The following ANP32E variants were observed in gnomAD, a reference collection of about 807,000 sequenced individuals.
ANP32E encodes the protein acidic leucine-rich nuclear phosphoprotein 32 family member E.
ANP32E carries 14 observed loss-of-function variants against 35.3 expected under a neutral mutation model. That is an observed-to-expected ratio of 0.40 (90% CI 0.26 to 0.62). ANP32E has a LOEUF of 0.62. Ranked by LOEUF, ANP32E falls within the 20% of genes least tolerant of loss-of-function variation. The pLI is 0.45. For missense variants in ANP32E, 198 were observed against 304.4 expected, an observed-to-expected ratio of 0.65 and a Z score of 2.60; for synonymous variants, 89 against 110.4, an observed-to-expected ratio of 0.81 and a Z score of 1.22.
Position 150,235,702 on chromosome 1 carries a change from TG to T in ANP32E, c.54+30del. Reference sequence around the variant, plus strand: ...TCCGATCCTCAGAATACTGGACTGATGGGGAAGCGGTGGGGGCTGAGTCATC... The same window carrying T: ...TCCGATCCTCAGAATACTGGACTGATGGGAAGCGGTGGGGGCTGAGTCATC... On this transcript the variant is annotated intron_variant, in intron 1 of 6. Coordinates refer to ENST00000583931, the MANE Select transcript of ANP32E (RefSeq NM_030920.5). The surrounding 1 kb of genome is among the most constrained non-coding windows in gnomAD (Gnocchi z 4.2). 1 of 1,613,324 alleles carries T rather than the reference TG, an allele frequency of 6.2e-7. No individual in the cohort carries two copies. Among genetic ancestry groups the T allele is most frequent in the Non-Finnish European group, 8.5e-7 (1 of 1,179,580 alleles).
chr1:150,220,644 C>T lies in ANP32E; in HGVS notation c.*47G>A, dbSNP rs782170800. ...ACATGAAGAAACAAAGATGTGATCA[C>T]TCTATTGCACACCCAGAAACATTAG... On this transcript the variant is annotated 3_prime_UTR_variant, in exon 7 of 7. Coordinates refer to ENST00000583931, the MANE Select transcript of ANP32E (RefSeq NM_030920.5). The T allele has an allele frequency of 7.8e-6, 12 of 1,533,512 alleles. No homozygotes were observed. Among genetic ancestry groups the T allele is most frequent in the Non-Finnish European group, 9.9e-6 (11 of 1,107,356 alleles). 95.0% of individuals were successfully genotyped at this position (1,533,512 alleles called of 1,614,324 possible). A position where few individuals can be genotyped will look rare whatever the true frequency, so the allele number is the denominator to read the frequency against.
intron 3 of ANP32E, among the ~76,000 whole-genome samples, chr1:150,229,724 T>C (rs986933393): frequency 9.9e-5 from 15 of 152,206 alleles, no homozygotes; most frequent in African/African-American, 3.6e-4. Context: ...GTGATCTGCC[T>C]GCCTCGGCCT....
rs1648166251 is a variant in ANP32E, at chr1:150,219,385, A to ACAT, written c.*1303_*1305dup. On this transcript the variant is annotated 3_prime_UTR_variant, in exon 7 of 7. Transcript: ENST00000583931. ...CCAAATATTTTTCTACTTTTAATGG[A>ACAT]CATCCACTTGAAAACAAATCTTAAT... 1 of 152,186 alleles carries ACAT rather than the reference A, an allele frequency of 6.6e-6. No individual in the cohort carries two copies. Among genetic ancestry groups the ACAT allele is most frequent in the Admixed American group, 6.5e-5 (1 of 15,270 alleles). 9.4% of individuals were successfully genotyped at this position (152,186 alleles called of 1,614,324 possible). A position where few individuals can be genotyped will look rare whatever the true frequency, so the allele number is the denominator to read the frequency against.
chr1:150,229,460 G>A (rs1182661442), intron 3 of ANP32E, among the ~76,000 whole-genome samples: 6 of 150,986 alleles, frequency 4.0e-5, no homozygotes, highest in South Asian at 2.1e-4. Context: ...ACCATGCCCC[G>A]CTAATTTTTG....
chr1:150,228,640 C>T (rs1459713712), intron 4 of ANP32E, among the ~76,000 whole-genome samples: 4 of 150,410 alleles, frequency 2.7e-5, no homozygotes, highest in African/African-American at 9.8e-5. Context: ...TGCAGTGAGC[C>T]GAGATTGTGC....
In ANP32E at chr1:150,229,207, G is replaced by A; in HGVS notation, c.358C>T (p.Leu120=). The change falls in exon 4 of 7, where the codon CTG becomes TTG. Residue 120 remains leucine, a synonymous_variant. Transcript: ENST00000583931. Reference sequence around the variant, plus strand: ...AGGTTTGTGATCTCACAGTTAAACAGGTCAAGACTTTTCAAATTTTTAAGA... The same window carrying A: ...AGGTTTGTGATCTCACAGTTAAACAAGTCAAGACTTTTCAAATTTTTAAGA... ...QNLKNLKSLD[L]FNCEITNLED... 1 of 1,581,840 alleles carries A rather than the reference G, an allele frequency of 6.3e-7. No homozygotes were observed. Among genetic ancestry groups the A allele is most frequent in the Non-Finnish European group, 8.6e-7 (1 of 1,168,940 alleles).
rs886859391 is a variant in ANP32E, at chr1:150,226,987, G to A, written c.494-192C>T. Reference sequence around the variant, plus strand: ...CTAGTTATTCCTACAAACCAAATGCGAGAAGTATGGCTTCTAAATACTGGT... The same window carrying A: ...CTAGTTATTCCTACAAACCAAATGCAAGAAGTATGGCTTCTAAATACTGGT... On this transcript the variant is annotated intron_variant, in intron 4 of 6. Coordinates refer to ENST00000583931, the MANE Select transcript of ANP32E (RefSeq NM_030920.5). Among the ~76,000 whole-genome samples the A allele has an allele frequency of 3.3e-5, 5 of 151,854 alleles. No homozygotes were observed. The East Asian group carries it at 5.8e-4, about 18-fold the overall frequency.
chr1:150,224,967 G>A (rs1648748564), intron 5 of ANP32E, among the ~76,000 whole-genome samples: 1 of 152,094 alleles, frequency 6.6e-6, no homozygotes, highest in Admixed American at 6.6e-5. Flanking sequence ...AAAGGTGAGT[G>A]GCACTCCCCT....
intron 4 of ANP32E, among the ~76,000 whole-genome samples, chr1:150,227,265 T>C (rs1187372544): frequency 6.6e-6 from 1 of 152,106 alleles, no homozygotes; most frequent in Non-Finnish European, 1.5e-5. Flanking sequence ...CAAAGGAAAG[T>C]AAATCATTCT....
chr1:150,225,531 C>T (rs1553839560), intron 5 of ANP32E, among the ~76,000 whole-genome samples: 2 of 151,524 alleles, frequency 1.3e-5, no homozygotes, highest in South Asian at 2.1e-4. Flanking sequence ...ATTAACCAGG[C>T]GTGGTGGAGT....
rs77308685 is a variant in ANP32E at position 150,230,508 on chromosome 1, C to G, written c.327+63G>C. The G allele has an allele frequency of 4.6e-3, 6,770 of 1,475,686 alleles. 236 individuals carry two copies. In the African/African-American group the frequency reaches 0.073, roughly 16 times the overall value. 91.4% of individuals were successfully genotyped at this position (1,475,686 alleles called of 1,614,324 possible). On this transcript the variant is annotated intron_variant, in intron 3 of 6. Transcript: ENST00000583931. ...AGAGTTAAATAGAAATTAATAGACACAAACAAATCTCAGAAAATTTAACCA... is the reference window on the plus strand; with the variant it reads ...AGAGTTAAATAGAAATTAATAGACAGAAACAAATCTCAGAAAATTTAACCA...
intron 1 of ANP32E, chr1:150,234,581 T>C (rs1649626841): frequency 3.0e-6 from 3 of 985,536 alleles, no homozygotes; most frequent in Non-Finnish European, 3.6e-6. Flanking sequence ...TCCCTTACGT[T>C]CCAATTCTAG....
rs1462835973 is a variant in ANP32E at position 150,228,171 on chromosome 1, C to T, written c.493+901G>A. 4.6e-5 allele frequency among the ~76,000 whole-genome samples: 7 copies of T among 151,882 alleles called. No homozygotes were observed. The South Asian group carries it at 6.2e-4, about 14-fold the overall frequency. Reference sequence around the variant, plus strand: ...TCGCCCAGGCTACAGTGCAGTGACACGATCTCAGCTCACTGCAACCTTCGC... The same window carrying T: ...TCGCCCAGGCTACAGTGCAGTGACATGATCTCAGCTCACTGCAACCTTCGC... On this transcript the variant is annotated intron_variant, in intron 4 of 6. Transcript: ENST00000583931.
chr1:150,226,667 C>G lies in ANP32E; in HGVS notation c.622G>C (p.Glu208Gln). ...EDEDEDEAGSELGEGEEEVGL... is the reference protein window; with the variant it reads ...EDEDEDEAGSQLGEGEEEVGL... ...ACTTCCTCTTCTCCCTCTCCCAACT[C>G]TGAACCTGCTTCATCTTCATCTTCA... The change falls in exon 5 of 7, where the codon GAG (glutamate) becomes CAG (glutamine). Residue 208 changes from glutamate to glutamine, a missense_variant. Physicochemically the swap from Glu to Gln is conservative, Grantham distance 29. This residue lies in a region of ANP32E where 121 missense variants were observed against 137.3 expected (regional missense o/e 0.88). Transcript: ENST00000583931. 1 of 1,610,468 alleles carries G rather than the reference C, an allele frequency of 6.2e-7. No homozygotes were observed. The highest frequency in any genetic ancestry group is 1.1e-5 in the South Asian group (1 of 90,902).
At chr1:150,229,044 C>T in intron 4 of ANP32E, 28 bp downstream of exon 4, 1 of 1,593,426 alleles carries the variant, frequency 6.3e-7, no homozygotes, top group African/African-American at 1.4e-5. Flanking sequence ...ATAATTATGA[C>T]ACACTTATGA....
chr1:150,225,392 G>A (rs1040512535), intron 5 of ANP32E, among the ~76,000 whole-genome samples: 10 of 152,050 alleles, frequency 6.6e-5, no homozygotes, highest in Admixed American at 2.0e-4. Flanking sequence ...AGCAGGGGCC[G>A]GGCACAGTGG....
chr1:150,228,098 T>G (rs1014466924), intron 4 of ANP32E, among the ~76,000 whole-genome samples: 6 of 151,038 alleles, frequency 4.0e-5, no homozygotes, highest in Non-Finnish European at 8.8e-5. Flanking sequence ...ATATATATGG[T>G]TTTTTGTTTG....
At position 150,235,412 on chromosome 1, in the gene ANP32E, T is replaced by C. The variant is rs1226020669; in HGVS notation, c.54+321A>G. On this transcript the variant is annotated intron_variant, in intron 1 of 6. Coordinates refer to ENST00000583931, the MANE Select transcript of ANP32E (RefSeq NM_030920.5). The surrounding 1 kb of genome is among the most constrained non-coding windows in gnomAD (Gnocchi z 4.2). ...CGCCGCCGGCCCCCAGGAGGAGGAG[T>C]GCCGGGAGCGAAGCGGCGGAGCGCC... is the stretch of plus-strand genomic sequence containing the variant. Among the ~76,000 whole-genome samples the C allele has an allele frequency of 6.6e-6, 1 of 151,238 alleles. No homozygotes were observed. Among genetic ancestry groups the C allele is most frequent in the Non-Finnish European group, 1.5e-5 (1 of 67,762 alleles).
chr1:150,235,633 ACT>A lies in ANP32E; in HGVS notation c.54+98_54+99del. On this transcript the variant is annotated intron_variant, in intron 1 of 6. Transcript: ENST00000583931. This position sits in a 1 kb window ranked among gnomAD's most constrained non-coding sequence, Gnocchi z 4.2. ...CCCTAACCCGGGGGGATGGGGGCTA[ACT>A]TATTACTCCATCCCCGCACACCCAC... The A allele has an allele frequency of 7.3e-7, 1 of 1,364,064 alleles. No homozygotes were observed. The highest frequency in any genetic ancestry group is 1.0e-6 in the Non-Finnish European group (1 of 975,542). 84.5% of individuals were successfully genotyped at this position (1,364,064 alleles called of 1,614,324 possible). A position where few individuals can be genotyped will look rare whatever the true frequency, so the allele number is the denominator to read the frequency against.
Sources: allele counts gnomAD v4.1 joint callset (sites outside exome capture counted in the v4.1 genomes callset), GRCh38; gene constraint gnomAD v4.1.1; regional missense constraint gnomAD v4.1.1; non-coding constraint Gnocchi (gnomAD v3.1); transcripts MANE v1.5; gene names NCBI Gene and HGNC (gene_info 2026-07-23, HGNC 2026-07-21).